Variants in CCDC179 observed in about 807,000 individuals in gnomAD.
CCDC179 encodes the protein coiled-coil domain-containing protein 179.
A neutral mutation model predicts 12.0 loss-of-function variants in CCDC179; 17 were observed. That is an observed-to-expected ratio of 1.42 (90% CI 0.97 to 2.13). The LOEUF (loss-of-function observed/expected upper bound fraction) is 2.13. Ranked by LOEUF, CCDC179 falls within the 30% of genes most tolerant of loss-of-function variation. CCDC179 has a pLI of 0.00. For missense variants in CCDC179, 83 were observed against 78.6 expected, an observed-to-expected ratio of 1.06 and a Z score of -0.21; for synonymous variants, 27 against 26.4, an observed-to-expected ratio of 1.02 and a Z score of -0.07.
chr11:22,853,808 T>C (rs1228322927), intron 3 of CCDC179, among the ~76,000 whole-genome samples: 2 of 151,902 alleles, frequency 1.3e-5, no homozygotes, highest in Non-Finnish European at 2.9e-5. Context: ...AAGTTAATGA[T>C]AGACAACAAA....
At chr11:22,854,973 G>T (rs1246838849) in intron 3 of CCDC179, among the ~76,000 whole-genome samples, 1 of 151,524 alleles carries the variant, frequency 6.6e-6, no homozygotes, top group African/African-American at 2.4e-5. Flanking sequence ...TGATAAAGAG[G>T]GACATTACAT....
At chr11:22,849,022 G>A (rs2191691) in intron 3 of CCDC179, among the ~76,000 whole-genome samples, 79,553 of 151,976 alleles carry the variant, frequency 0.52, 21,161 homozygotes, top group Middle Eastern at 0.7. Flanking sequence ...GAAGGACTGA[G>A]TGCCTGAGCT....
chr11:22,855,364 A>G (rs1420907488), intron 3 of CCDC179, among the ~76,000 whole-genome samples: 3 of 151,724 alleles, frequency 2.0e-5, no homozygotes, highest in Non-Finnish European at 4.4e-5. Context: ...CTCAGACCAC[A>G]GTGGAGTTAA....
chr11:22,853,218 A>G (rs1474007486), intron 3 of CCDC179, among the ~76,000 whole-genome samples: 3 of 152,224 alleles, frequency 2.0e-5, no homozygotes, highest in African/African-American at 7.2e-5. Context: ...GCTTTCAATA[A>G]AGAACTACAA....
chr11:22,856,812 TAAAC>T (rs1178804835), intron 3 of CCDC179, among the ~76,000 whole-genome samples: 3 of 151,472 alleles, frequency 2.0e-5, no homozygotes, highest in Non-Finnish European at 4.4e-5. Context: ...TTGGAAGTAA[TAAAC>T]AATTATAGTA....
intron 3 of CCDC179, among the ~76,000 whole-genome samples, chr11:22,851,226 A>G (rs1858395880): frequency 1.3e-5 from 2 of 151,750 alleles, no homozygotes; most frequent in South Asian, 4.2e-4. Flanking sequence ...TGTATAGTTG[A>G]TGGTCCTGGG....
In CCDC179 at chr11:22,847,280, A is replaced by T; in HGVS notation, c.*230T>A. The T allele has an allele frequency of 2.8e-6, 1 of 353,284 alleles. No individual in the cohort carries two copies. Among genetic ancestry groups the T allele is most frequent in the Non-Finnish European group, 5.0e-6 (1 of 199,146 alleles). 21.9% of individuals were successfully genotyped at this position (353,284 alleles called of 1,614,324 possible). On this transcript the variant is annotated 3_prime_UTR_variant, in exon 4 of 4. Transcript: ENST00000532798. Reference sequence around the variant, plus strand: ...CATTATTATTTGTTGAAAAGCAGCAAATTTCAAGTTTACCACAGGAAAGAA... The same window carrying T: ...CATTATTATTTGTTGAAAAGCAGCATATTTCAAGTTTACCACAGGAAAGAA...
chr11:22,859,856 C>G (rs540276540), intron 1 of CCDC179, among the ~76,000 whole-genome samples: 37 of 152,292 alleles, frequency 2.4e-4, no homozygotes, highest in Middle Eastern at 3.4e-3. Flanking sequence ...ATTGAGCAAT[C>G]TAGTCTTCAA....
chr11:22,858,678 A>T (rs1266175391), intron 2 of CCDC179, among the ~76,000 whole-genome samples: 1 of 152,082 alleles, frequency 6.6e-6, no homozygotes, highest in Non-Finnish European at 1.5e-5. Context: ...TTCTAACAAT[A>T]AAAAATTTGC....
intron 3 of CCDC179, among the ~76,000 whole-genome samples, chr11:22,848,941 C>T (rs1197282250): frequency 6.6e-6 from 1 of 152,166 alleles, no homozygotes; most frequent in African/African-American, 2.4e-5. Flanking sequence ...ATTATCAATC[C>T]ACAATGATTT....
intron 3 of CCDC179, among the ~76,000 whole-genome samples, chr11:22,857,490 C>CA (rs777420167): frequency 6.6e-6 from 1 of 151,738 alleles, no homozygotes; most frequent in African/African-American, 2.4e-5. Context: ...TGGACACTGA[C>CA]ACCTTTCAGT....
Position 22,857,906 on chromosome 11 carries a change from A to T in CCDC179, c.195+16T>A. 7.8e-7 allele frequency: 1 copy of T among 1,274,094 alleles called. No individual in the cohort carries two copies. Among genetic ancestry groups the T allele is most frequent in the Non-Finnish European group, 1.1e-6 (1 of 949,254 alleles). 78.9% of individuals were successfully genotyped at this position (1,274,094 alleles called of 1,614,324 possible). A position where few individuals can be genotyped will look rare whatever the true frequency, so the allele number is the denominator to read the frequency against. ...ATTTAATGATCTGTTAATTTCAGTG[A>T]AACCTCTATACTTACTAGGAGTCCT... On this transcript the variant is annotated intron_variant, in intron 3 of 3. Transcript: ENST00000532798.
chr11:22,848,639 T>A (rs1858292402), intron 3 of CCDC179, among the ~76,000 whole-genome samples: 1 of 152,190 alleles, frequency 6.6e-6, no homozygotes, highest in Admixed American at 6.5e-5. Context: ...ACAAAAACTG[T>A]TATTGCATTT....
intron 1 of CCDC179, 66 bp from the exon 2 acceptor site, chr11:22,859,562 T>C: frequency 1.1e-6 from 1 of 919,350 alleles, no homozygotes; most frequent in Non-Finnish European, 1.5e-6. Flanking sequence ...AAATTAATTA[T>C]TATAATAGGA....
In CCDC179 at chr11:22,858,911, C is replaced by A. The variant is rs1235117973; in HGVS notation, c.90+541G>T. On this transcript the variant is annotated intron_variant, in intron 2 of 3. Coordinates refer to ENST00000532798, the MANE Select transcript of CCDC179 (RefSeq NM_001195637.2). ...GTGAAAATAAAGAAACTATATACAGCAATGTAGATAAATCTTAGGAAATAA... is the reference window on the plus strand; with the variant it reads ...GTGAAAATAAAGAAACTATATACAGAAATGTAGATAAATCTTAGGAAATAA... 2.0e-5 allele frequency among the ~76,000 whole-genome samples: 3 copies of A among 152,068 alleles called. No homozygotes were observed. In the East Asian group the frequency reaches 5.8e-4, roughly 29 times the overall value.
chr11:22,857,619 T>C (rs762417440), intron 3 of CCDC179, among the ~76,000 whole-genome samples: 7 of 151,722 alleles, frequency 4.6e-5, no homozygotes, highest in Non-Finnish European at 8.9e-5. Context: ...TTTTCAGATA[T>C]ATAGCCAAAA....
intron 3 of CCDC179, 34 bp from the exon 4 acceptor site, chr11:22,847,555 A>G: frequency 1.7e-6 from 2 of 1,193,840 alleles, no homozygotes; most frequent in Non-Finnish European, 2.3e-6. Context: ...AGAATAAGAA[A>G]TTTAATTAAA....
At chr11:22,852,083 A>T (rs1293806226) in intron 3 of CCDC179, among the ~76,000 whole-genome samples, 1 of 152,196 alleles carries the variant, frequency 6.6e-6, no homozygotes, top group Non-Finnish European at 1.5e-5. Context: ...GGGAAAGGAA[A>T]TACACAACTC....
chr11:22,850,940 C>CTATATATATATATA (rs1180035208), intron 3 of CCDC179, among the ~76,000 whole-genome samples: 2 of 16,530 alleles, frequency 1.2e-4, no homozygotes, highest in Non-Finnish European at 2.2e-4. Context: ...GTTGCATAGG[C>CTATATATATATATA]TATATATATA....
Sources: gnomAD v4.1 joint callset for allele counts (sites outside exome capture counted in the v4.1 genomes callset) on GRCh38, gnomAD v4.1.1 for gene constraint, MANE v1.5 for transcripts, NCBI Gene and HGNC (gene_info 2026-07-23, HGNC 2026-07-21) for gene names.